Variants in SPG11 observed in about 807,000 individuals in gnomAD.
SPG11 encodes the protein spatacsin.
SPG11 carries 222 observed loss-of-function variants against 274.0 expected under a neutral mutation model. The observed-to-expected ratio is 0.81, with a 90% confidence interval of 0.73 to 0.91. SPG11 has a LOEUF of 0.91. Ranked by LOEUF, SPG11 falls within the 40% of genes least tolerant of loss-of-function variation. SPG11 has a pLI of 0.00. For synonymous variants in SPG11, 1,144 were observed against 1,039.7 expected (o/e 1.10, Z -1.93); for missense variants, 3,114 against 2,872.7 (o/e 1.08, Z -1.92).
At position 44,569,439 on chromosome 15, in the gene SPG11, T is replaced by A. The variant is rs2140920893; in HGVS notation, c.6544A>T (p.Lys2182Ter). 1 of 1,607,250 alleles carries A rather than the reference T, an allele frequency of 6.2e-7. No individual in the cohort carries two copies. Among genetic ancestry groups the A allele is most frequent in the Middle Eastern group, 1.7e-4 (1 of 6,054 alleles). ...MTYIFDLLHK[K>*]HYFEVLMRKK... ...CTCATTAGCACTTCAAAGTAGTGCTTTTTATGCAGCAAATCAAATATGTAT... is the reference window on the plus strand; with the variant it reads ...CTCATTAGCACTTCAAAGTAGTGCTATTTATGCAGCAAATCAAATATGTAT... The change falls in exon 35 of 40, where the codon AAG becomes TAG. Residue 2182 changes from lysine to a stop codon, truncating the protein, a stop_gained. Transcript: ENST00000261866. LOFTEE classifies it high-confidence loss of function.
chr15:44,585,153 A>ATGGGAATTG (rs985194562), intron 29 of SPG11, among the ~76,000 whole-genome samples: 1 of 152,160 alleles, frequency 6.6e-6, no homozygotes, highest in African/African-American at 2.4e-5. Flanking sequence ...TTTCTCAATC[A>ATGGGAATTG]TGGGAATTGT....
chr15:44,608,612 A>G lies in SPG11; in HGVS notation c.3292-7T>C, dbSNP rs1595876068. 7.4e-6 allele frequency: 12 copies of G among 1,612,996 alleles called. No individual in the cohort carries two copies. In the Admixed American group the frequency reaches 1.5e-4, roughly 20 times the overall value. ...TTTCTTCATTCTGAACAACCTAAGT[A>G]AAAAAACAGATAACAGGTTGGACAG... On this transcript the variant is annotated splice_region_variant and splice_polypyrimidine_tract_variant and intron_variant, in intron 18 of 39. Coordinates refer to ENST00000261866, the MANE Select transcript of SPG11 (RefSeq NM_025137.4).
In SPG11 at chr15:44,611,091, T is replaced by TAAAAAAAAAA. The variant is rs35831490; in HGVS notation, c.3146-116_3146-107dup. The stretch of plus-strand genomic sequence containing the variant: ...CATAAATTTTTAACTCTATCCCCAG[T>TAAAAAAAAAA]AAAAAAAAAAAAAAAAAAAAAAAAA... On this transcript the variant is annotated intron_variant, in intron 17 of 39. Coordinates refer to ENST00000261866, the MANE Select transcript of SPG11 (RefSeq NM_025137.4). 103 of 70,082 alleles carry TAAAAAAAAAA rather than the reference T, an allele frequency of 1.5e-3. 4 individuals carry two copies. The highest frequency in any genetic ancestry group is 6.1e-3 in the African/African-American group (90 of 14,726). The allele number at this position is 70,082 out of a possible 1,614,324, so 4.3% of individuals were successfully genotyped here. A position where few individuals can be genotyped will look rare whatever the true frequency, so the allele number is the denominator to read the frequency against.
At chr15:44,661,612 T>C (rs2085109611) in intron 1 of SPG11, among the ~76,000 whole-genome samples, 1 of 151,974 alleles carries the variant, frequency 6.6e-6, no homozygotes, top group South Asian at 2.1e-4. Flanking sequence ...TATGTCCTTA[T>C]TAGGTAAAAA....
In SPG11 at chr15:44,639,276, TACACACACACACAC is replaced by T. The variant is rs71111873; in HGVS notation, c.1603-5653_1603-5640del. On this transcript the variant is annotated intron_variant, in intron 7 of 39. Coordinates refer to ENST00000261866, the MANE Select transcript of SPG11 (RefSeq NM_025137.4). ...AAACACACACACACACACAAAGAGA[TACACACACACACAC>T]ACACACACACACACACAGAGATGGA... Among the ~76,000 whole-genome samples, 4 of 138,282 alleles carry T rather than the reference TACACACACACACAC, an allele frequency of 2.9e-5. No individual in the cohort carries two copies. The Admixed American group carries it at 2.9e-4, about 10-fold the overall frequency. The allele number at this position is 138,282 out of a possible 152,430, so 90.7% of individuals were successfully genotyped here.
At chr15:44,568,427 C>G (rs114613446) in intron 35 of SPG11, among the ~76,000 whole-genome samples, 2,866 of 152,252 alleles carry the variant, frequency 0.019, 97 homozygotes, top group African/African-American at 0.065. Context: ...TTTCTGCTTT[C>G]TCTCTTAATC....
chr15:44,585,776 T>G lies in SPG11; in HGVS notation c.4981A>C (p.Ile1661Leu), dbSNP rs2140950169. The change falls in exon 29 of 40, where the codon ATT becomes CTT. Residue 1661 changes from isoleucine (I) to leucine (L), a missense_variant. By Grantham distance (5) the Ile-to-Leu change is conservative. Coordinates refer to ENST00000261866, the MANE Select transcript of SPG11 (RefSeq NM_025137.4). ...DTSIAINHTI[I>L]TSYSIENLQH... Reference sequence around the variant, plus strand: ...AGATTCTCAATGCTGTAGCTGGTAATAATTGTATGATTAATGGCTATGGAT... The same window carrying G: ...AGATTCTCAATGCTGTAGCTGGTAAGAATTGTATGATTAATGGCTATGGAT... 1 of 1,614,090 alleles carries G rather than the reference T, an allele frequency of 6.2e-7. No individual in the cohort carries two copies. Among genetic ancestry groups the G allele is most frequent in the Non-Finnish European group, 8.5e-7 (1 of 1,180,014 alleles).
At chr15:44,599,844 TCTC>T (rs2083138771) in intron 21 of SPG11, among the ~76,000 whole-genome samples, 1 of 152,164 alleles carries the variant, frequency 6.6e-6, no homozygotes, top group Admixed American at 6.5e-5. Context: ...AGAATTCACA[TCTC>T]ATCATATAAT....
In SPG11 at chr15:44,610,964, G is replaced by A; in HGVS notation, c.3167C>T (p.Ala1056Val). Residue 1056 changes from alanine to valine, a missense_variant, in exon 18 of 40, where the codon GCT becomes GTT. Transcript: ENST00000261866. ...CAAAATCTGAGCATTTGCAAGGCTA[G>A]CCTGGAAGATCAGTTTGGGATCTGG... ...NLTDPKLIFQ[A>V]SLANAQILIP... The A allele has an allele frequency of 1.2e-6, 2 of 1,613,972 alleles. No homozygotes were observed. Among genetic ancestry groups the A allele is most frequent in the East Asian group, 2.2e-5 (1 of 44,864 alleles).
chr15:44,647,524 C>T (rs1043916645), intron 7 of SPG11, among the ~76,000 whole-genome samples: 6 of 152,152 alleles, frequency 3.9e-5, no homozygotes, highest in Admixed American at 6.5e-5. Context: ...AAATGTCCAT[C>T]AGCTGATGAA....
At chr15:44,660,830 T>TA (rs1052210793) in intron 1 of SPG11, among the ~76,000 whole-genome samples, 3 of 152,068 alleles carry the variant, frequency 2.0e-5, no homozygotes, top group East Asian at 1.9e-4. Flanking sequence ...GAGTGGGTGG[T>TA]AAAAAACAAA....
rs2082374687 is a variant in SPG11 at position 44,569,507 on chromosome 15, T to G, written c.6478-2A>C. 6.3e-7 allele frequency: 1 copy of G among 1,580,992 alleles called. No homozygotes were observed. Among genetic ancestry groups the G allele is most frequent in the Middle Eastern group, 1.8e-4 (1 of 5,548 alleles). On this transcript the variant is annotated splice_acceptor_variant, in intron 34 of 39. Transcript: ENST00000261866. LOFTEE classifies it high-confidence loss of function. Reference sequence around the variant, plus strand: ...TCCAATGCCAGTGAGGAGCCGTACCTGTGAAGTGGGAGGACAGCTCGCATC... The same window carrying G: ...TCCAATGCCAGTGAGGAGCCGTACCGGTGAAGTGGGAGGACAGCTCGCATC...
rs3759872 is a variant in SPG11 at position 44,651,562 on chromosome 15, C to T, written c.1385G>A (p.Cys462Tyr). The change falls in exon 6 of 40, where the codon TGT becomes TAT. Residue 462 changes from cysteine to tyrosine, a missense_variant. Cys to Tyr is a radical substitution (Grantham distance 194). Coordinates refer to ENST00000261866, the MANE Select transcript of SPG11 (RefSeq NM_025137.4). ...LWDLETQGMQ[C>Y]FSLGTKCIPV... Reference sequence around the variant, plus strand: ...AATACACTTTGTGCCAAGGGAAAAACACTGCATGCCCTGGGTCTCCAAATC... The same window carrying T: ...AATACACTTTGTGCCAAGGGAAAAATACTGCATGCCCTGGGTCTCCAAATC... 1.2e-6 allele frequency: 2 copies of T among 1,614,186 alleles called. No homozygotes were observed. The highest frequency in any genetic ancestry group is 4.5e-5 in the East Asian group (2 of 44,894).
intron 29 of SPG11, among the ~76,000 whole-genome samples, chr15:44,585,430 C>CAAAAAAA (rs67858533): frequency 2.1e-5 from 2 of 97,258 alleles, no homozygotes; most frequent in African/African-American, 4.2e-5. Context: ...ACTAAAAATA[C>CAAAAAAA]AAAAAAAAAA....
intron 3 of SPG11, among the ~76,000 whole-genome samples, chr15:44,658,205 A>G (rs1442406853): frequency 6.6e-6 from 1 of 152,244 alleles, no homozygotes; most frequent in Non-Finnish European, 1.5e-5. Flanking sequence ...CAAAAATTAT[A>G]TACCTATTAC....
intron 21 of SPG11, 58 bp from the exon 22 acceptor site, chr15:44,598,894 A>G: frequency 6.6e-7 from 1 of 1,525,196 alleles, no homozygotes. Context: ...CTCACCAGGA[A>G]AAGCAAATGG....
intron 30 of SPG11, among the ~76,000 whole-genome samples, chr15:44,576,741 T>A (rs992005939): frequency 6.6e-6 from 1 of 151,862 alleles, no homozygotes. Flanking sequence ...TTGTAAAAAA[T>A]AAATATTGTG....
chr15:44,565,634 G>A (rs1030850999), intron 38 of SPG11, among the ~76,000 whole-genome samples: 10 of 152,190 alleles, frequency 6.6e-5, no homozygotes, highest in Non-Finnish European at 1.5e-5. Context: ...GCACAGGAAA[G>A]GGAGACAGCA....
intron 8 of SPG11, among the ~76,000 whole-genome samples, chr15:44,631,632 C>G (rs925668360): frequency 1.4e-5 from 2 of 146,312 alleles, no homozygotes; most frequent in African/African-American, 2.5e-5. Context: ...ACAAAAAATA[C>G]TGATTATTTA....
Sources: allele counts gnomAD v4.1 joint callset (sites outside exome capture counted in the v4.1 genomes callset), GRCh38; gene constraint gnomAD v4.1.1; transcripts MANE v1.5; gene names NCBI Gene and HGNC (gene_info 2026-07-23, HGNC 2026-07-21).